SORCS2: variants seen among roughly 807,000 people sequenced by gnomAD.
SORCS2 encodes VPS10 domain-containing receptor SorCS2.
SORCS2 carries 100 observed loss-of-function variants against 141.6 expected under a neutral mutation model. That is an observed-to-expected ratio of 0.71 (90% CI 0.60 to 0.83). The LOEUF (loss-of-function observed/expected upper bound fraction) is 0.83. Ranked by LOEUF, SORCS2 falls within the 40% of genes least tolerant of loss-of-function variation. The probability of loss-of-function intolerance (pLI) is 0.00; values close to 1 mark genes in which losing one functional copy is unlikely to be tolerated. For synonymous variants in SORCS2, 789 were observed against 676.9 expected (o/e 1.17, Z -2.57); for missense variants, 1,646 against 1,560.2 (o/e 1.05, Z -0.93).
chr4:7,210,607 CA>C (rs940337053), intron 1 of SORCS2, among the ~76,000 whole-genome samples: 1 of 152,106 alleles, frequency 6.6e-6, no homozygotes, highest in African/African-American at 2.4e-5. Context: ...ATGCAGTGCC[CA>C]AGATGGTTGG....
At position 7,279,735 on chromosome 4, in the gene SORCS2, G is replaced by T. The variant is rs111403784; in HGVS notation, c.480+86609G>T. Among the ~76,000 whole-genome samples the T allele has an allele frequency of 1.2e-3, 176 of 152,348 alleles. 1 individual carries two copies. Among genetic ancestry groups the T allele is most frequent in the Non-Finnish European group, 8.5e-4 (58 of 68,038 alleles). On this transcript the variant is annotated intron_variant, in intron 1 of 26. Coordinates refer to ENST00000507866, the MANE Select transcript of SORCS2 (RefSeq NM_020777.3). ...GAGGGTGGAGTCCATTCATAGGTCT[G>T]CTGTGTTTGCAGAAACAGACGAAGG...
intron 5 of SORCS2, 141 bp from the exon 6 acceptor site, chr4:7,661,359 G>GA: frequency 1.3e-6 from 1 of 771,222 alleles, no homozygotes; most frequent in African/African-American, 1.7e-5. Context: ...GGGTCCTGGG[G>GA]TGGTGATGCC....
rs111595320 is a variant in SORCS2, at chr4:7,355,912, G to A, written c.481-40376G>A. Reference sequence around the variant, plus strand: ...GGCAGGCCCACTGGCAGGAGGCAAAGCTTCCTTGGCTGGGATCCTGCAATG... The same window carrying A: ...GGCAGGCCCACTGGCAGGAGGCAAAACTTCCTTGGCTGGGATCCTGCAATG... On this transcript the variant is annotated intron_variant, in intron 1 of 26. Coordinates refer to ENST00000507866, the MANE Select transcript of SORCS2 (RefSeq NM_020777.3). Among the ~76,000 whole-genome samples the A allele has an allele frequency of 5.8e-3, 883 of 152,344 alleles. 5 individuals are homozygous for A. The highest frequency in any genetic ancestry group is 0.02 in the African/African-American group (838 of 41,574).
intron 17 of SORCS2, 33 bp from the exon 18 acceptor site, chr4:7,717,979 G>A (rs756179040): frequency 2.6e-6 from 4 of 1,563,942 alleles, no homozygotes; most frequent in Non-Finnish European, 3.5e-6. Context: ...CCACCTGTCT[G>A]AAGCGGACCC....
intron 1 of SORCS2, among the ~76,000 whole-genome samples, chr4:7,388,543 A>G (rs1560243145): frequency 6.6e-6 from 1 of 152,068 alleles, no homozygotes; most frequent in Non-Finnish European, 1.5e-5. Context: ...CCCTCCTGTT[A>G]TCCCTCCCCG....
At chr4:7,259,249 T>C (rs1714145652) in intron 1 of SORCS2, among the ~76,000 whole-genome samples, 1 of 152,208 alleles carries the variant, frequency 6.6e-6, no homozygotes, top group Non-Finnish European at 1.5e-5. Flanking sequence ...ATCCTTACCA[T>C]ACTCAATTAA....
chr4:7,533,438 GC>G (rs1383818202), intron 3 of SORCS2, among the ~76,000 whole-genome samples: 1 of 152,156 alleles, frequency 6.6e-6, no homozygotes, highest in African/African-American at 2.4e-5. Flanking sequence ...AGGAGGCCAC[GC>G]CCCCCACCTC....
At position 7,240,884 on chromosome 4, in the gene SORCS2, A is replaced by G. The variant is rs533995880; in HGVS notation, c.480+47758A>G. 2.6e-5 allele frequency among the ~76,000 whole-genome samples: 4 copies of G among 152,342 alleles called. No homozygotes were observed. The East Asian group carries it at 7.7e-4, about 29-fold the overall frequency. On this transcript the variant is annotated intron_variant, in intron 1 of 26. Coordinates refer to ENST00000507866, the MANE Select transcript of SORCS2 (RefSeq NM_020777.3). ...CATTTGCAGTTGCCAGATAAAACAT[A>G]GGATTCTCAGCTCAATTTGAATTTT...
intron 3 of SORCS2, among the ~76,000 whole-genome samples, chr4:7,634,446 A>G (rs1720106052): frequency 6.6e-6 from 1 of 152,132 alleles, no homozygotes; most frequent in Non-Finnish European, 1.5e-5. Context: ...CCCAGCTAAA[A>G]GGGCTCCCTG....
At chr4:7,610,169 G>A (rs956595063) in intron 3 of SORCS2, among the ~76,000 whole-genome samples, 7 of 152,200 alleles carry the variant, frequency 4.6e-5, no homozygotes, top group African/African-American at 1.7e-4. Flanking sequence ...CTACTGAACA[G>A]CAAATGTGTT....
At position 7,360,822 on chromosome 4, in the gene SORCS2, C is replaced by T. The variant is rs187209107; in HGVS notation, c.481-35466C>T. Among the ~76,000 whole-genome samples, 25 of 151,836 alleles carry T rather than the reference C, an allele frequency of 1.6e-4. No homozygotes were observed. In the East Asian group the frequency reaches 3.3e-3, roughly 20 times the overall value. ...CTGGTCTCGAACTCCTGAGCTCAAGCGATGCTCCTGCCTCTGCCTCCTAAA... is the reference window on the plus strand; with the variant it reads ...CTGGTCTCGAACTCCTGAGCTCAAGTGATGCTCCTGCCTCTGCCTCCTAAA... On this transcript the variant is annotated intron_variant, in intron 1 of 26. Coordinates refer to ENST00000507866, the MANE Select transcript of SORCS2 (RefSeq NM_020777.3).
intron 1 of SORCS2, among the ~76,000 whole-genome samples, chr4:7,280,809 A>G (rs1249943292): frequency 6.6e-6 from 1 of 152,244 alleles, no homozygotes; most frequent in African/African-American, 2.4e-5. Flanking sequence ...ATGCGCTACA[A>G]TGAATGAATG....
chr4:7,739,171 G>A (rs557716441), intron 26 of SORCS2, among the ~76,000 whole-genome samples: 3 of 152,306 alleles, frequency 2.0e-5, no homozygotes, highest in South Asian at 2.1e-4. Flanking sequence ...AAAAGAGGTG[G>A]AGCCGGGCTC....
Position 7,729,529 on chromosome 4 carries a change from G to T in SORCS2, c.2983-58G>T, listed in dbSNP as rs1727458194. The T allele has an allele frequency of 3.9e-6, 6 of 1,538,976 alleles. No homozygotes were observed. The South Asian group carries it at 4.8e-5, about 12-fold the overall frequency. ...AGAGAGGGTGTTCCTGGGGGCCCCA[G>T]TATGAGGCAGGGAATGAGGAAGACA... is the stretch of plus-strand genomic sequence containing the variant. On this transcript the variant is annotated intron_variant, in intron 22 of 26. Coordinates refer to ENST00000507866, the MANE Select transcript of SORCS2 (RefSeq NM_020777.3).
At chr4:7,702,774 A>G (rs1416363182) in intron 12 of SORCS2, among the ~76,000 whole-genome samples, 1 of 152,250 alleles carries the variant, frequency 6.6e-6, no homozygotes, top group Non-Finnish European at 1.5e-5. Flanking sequence ...GACTGAAGAG[A>G]CAATGACAGA....
At chr4:7,609,076 G>A (rs943551546) in intron 3 of SORCS2, among the ~76,000 whole-genome samples, 1 of 152,100 alleles carries the variant, frequency 6.6e-6, no homozygotes. Flanking sequence ...CTAACACTCA[G>A]GCTGCATGAG....
chr4:7,244,369 T>C (rs553105172), intron 1 of SORCS2, among the ~76,000 whole-genome samples: 14 of 152,336 alleles, frequency 9.2e-5, no homozygotes, highest in Admixed American at 8.5e-4. Context: ...CGGCCTCCTA[T>C]TCCCCGCAGA....
Position 7,682,774 on chromosome 4 carries a change from A to G in SORCS2, c.1373A>G (p.Asn458Ser). The change falls in exon 10 of 27, where the codon AAC (asparagine) becomes AGC (serine). Residue 458 changes from asparagine (N) to serine (S), a missense_variant. Physicochemically the swap from Asn to Ser is conservative, Grantham distance 46. Coordinates refer to ENST00000507866, the MANE Select transcript of SORCS2 (RefSeq NM_020777.3). The part of the protein sequence containing the change: ...VRGVKGVFLA[N>S]QKIDGKVMTL... ...GGGGTGAAAGGAGTCTTCCTGGCAA[A>G]CCAAAAAATTGATGGGAAAGTGATG... is the stretch of plus-strand genomic sequence containing the variant. The G allele has an allele frequency of 3.1e-6, 5 of 1,612,034 alleles. No homozygotes were observed. The highest frequency in any genetic ancestry group is 4.2e-6 in the Non-Finnish European group (5 of 1,179,028).
chr4:7,526,360 A>G (rs1560357014), intron 2 of SORCS2, among the ~76,000 whole-genome samples: 1 of 152,270 alleles, frequency 6.6e-6, no homozygotes, highest in Non-Finnish European at 1.5e-5. Context: ...AACAGGTGGC[A>G]TGGAAAAGCG....
Sources: allele counts gnomAD v4.1 joint callset (sites outside exome capture counted in the v4.1 genomes callset), GRCh38; gene constraint gnomAD v4.1.1; transcripts MANE v1.5; gene names NCBI Gene and HGNC (gene_info 2026-07-23, HGNC 2026-07-21).